DGKG: variants seen among roughly 807,000 people sequenced by gnomAD.
The protein encoded by DGKG is diacylglycerol kinase gamma.
DGKG carries 78 observed loss-of-function variants against 105.3 expected under a neutral mutation model. That is an observed-to-expected ratio of 0.74 (90% CI 0.62 to 0.89). The LOEUF (loss-of-function observed/expected upper bound fraction) is 0.89. DGKG is among the 40% of genes least tolerant of loss of function. DGKG has a pLI of 0.00. For synonymous variants in DGKG, 346 were observed against 367.1 expected (o/e 0.94, Z 0.66); for missense variants, 958 against 1,020.1 (o/e 0.94, Z 0.83).
intron 1 of DGKG, among the ~76,000 whole-genome samples, chr3:186,337,637 A>G (rs1725892760): frequency 6.6e-6 from 1 of 152,202 alleles, no homozygotes; most frequent in South Asian, 2.1e-4. Context: ...GCAATTAAAT[A>G]AGACAAAATT....
chr3:186,274,078 T>C (rs1236578185), intron 10 of DGKG, among the ~76,000 whole-genome samples: 1 of 152,220 alleles, frequency 6.6e-6, no homozygotes, highest in African/African-American at 2.4e-5. Context: ...CTACCACTTG[T>C]AGTTTTTTCC....
intron 21 of DGKG, 24 bp downstream of exon 21, chr3:186,211,771 C>G: frequency 6.3e-7 from 1 of 1,580,198 alleles, no homozygotes; most frequent in Non-Finnish European, 8.7e-7. Flanking sequence ...ATCCAGGAAG[C>G]CTTCTCCCCA....
At chr3:186,234,420 A>G (rs907290038) in intron 20 of DGKG, among the ~76,000 whole-genome samples, 3 of 152,178 alleles carry the variant, frequency 2.0e-5, no homozygotes, top group African/African-American at 7.2e-5. Flanking sequence ...TATCGTGCTA[A>G]CCTCAACTCT....
intron 21 of DGKG, among the ~76,000 whole-genome samples, chr3:186,199,438 TTGAG>T (rs142445622): frequency 0.019 from 2,882 of 152,334 alleles, 73 homozygotes; most frequent in African/African-American, 0.066. Flanking sequence ...ATATCATTTA[TTGAG>T]TAACTATTGT....
At chr3:186,269,369 C>A (rs890446654) in intron 11 of DGKG, among the ~76,000 whole-genome samples, 2 of 152,196 alleles carry the variant, frequency 1.3e-5, no homozygotes, top group African/African-American at 4.8e-5. Flanking sequence ...GTTCTTAGAC[C>A]TCTCTGAGTC....
At chr3:186,304,731 T>A (rs1303647557) in intron 3 of DGKG, among the ~76,000 whole-genome samples, 2 of 152,220 alleles carry the variant, frequency 1.3e-5, no homozygotes, top group Non-Finnish European at 2.9e-5. Context: ...AATTCACTCA[T>A]CCACAAACTT....
Position 186,314,173 on chromosome 3 carries a change from GCACACACACACACACACACA to G in DGKG, c.67+6200_67+6219del, listed in dbSNP as rs3221277. Among the ~76,000 whole-genome samples, 583 of 139,550 alleles carry G rather than the reference GCACACACACACACACACACA, an allele frequency of 4.2e-3. 3 individuals are homozygous for G. Among genetic ancestry groups the G allele is most frequent in the African/African-American group, 5.1e-3 (193 of 38,064 alleles). The allele number at this position is 139,550 out of a possible 152,430, so 91.6% of individuals were successfully genotyped here. ...TAATTTAATTGACATATACATATCT[GCACACACACACACACACACA>G]CACACACACACACACACACACACAC... On this transcript the variant is annotated intron_variant, in intron 2 of 24. Coordinates refer to ENST00000265022, the MANE Select transcript of DGKG (RefSeq NM_001346.3).
At chr3:186,259,307 C>A (rs1331200786) in intron 16 of DGKG, among the ~76,000 whole-genome samples, 1 of 152,078 alleles carries the variant, frequency 6.6e-6, no homozygotes, top group Non-Finnish European at 1.5e-5. Flanking sequence ...TGACAGTGGG[C>A]TGGTAAAGGT....
intron 3 of DGKG, among the ~76,000 whole-genome samples, chr3:186,301,023 C>T (rs1026912715): frequency 1.3e-5 from 2 of 152,248 alleles, no homozygotes; most frequent in Non-Finnish European, 2.9e-5. Flanking sequence ...CACCATTATG[C>T]TCCCAACATT....
chr3:186,274,096 C>A (rs1318805362), intron 10 of DGKG, among the ~76,000 whole-genome samples: 1 of 152,208 alleles, frequency 6.6e-6, no homozygotes, highest in Non-Finnish European at 1.5e-5. Flanking sequence ...TCCACCTTTC[C>A]ACTCTGACTT....
In DGKG at chr3:186,320,506, T is replaced by C; in HGVS notation, c.-47A>G. Reference sequence around the variant, plus strand: ...CTAAAGGGCAGTGATGGAGTTTTGTTCACTAGGCTGAAGTGGAGGCCCAGC... The same window carrying C: ...CTAAAGGGCAGTGATGGAGTTTTGTCCACTAGGCTGAAGTGGAGGCCCAGC... On this transcript the variant is annotated 5_prime_UTR_variant, in exon 2 of 25. Coordinates refer to ENST00000265022, the MANE Select transcript of DGKG (RefSeq NM_001346.3). 1 of 1,614,072 alleles carries C rather than the reference T, an allele frequency of 6.2e-7. No homozygotes were observed. Among genetic ancestry groups the C allele is most frequent in the Non-Finnish European group, 8.5e-7 (1 of 1,179,962 alleles).
chr3:186,170,304 G>C (rs1716757462), intron 22 of DGKG, among the ~76,000 whole-genome samples: 1 of 152,166 alleles, frequency 6.6e-6, no homozygotes, highest in Non-Finnish European at 1.5e-5. Context: ...TTATTGGGTG[G>C]ATCATTCCCA....
intron 21 of DGKG, among the ~76,000 whole-genome samples, chr3:186,205,584 C>T (rs1279833835): frequency 1.3e-5 from 2 of 151,976 alleles, no homozygotes; most frequent in African/African-American, 4.8e-5. Flanking sequence ...GTGGCGGGCA[C>T]CTATAATCCC....
intron 2 of DGKG, among the ~76,000 whole-genome samples, chr3:186,318,743 CAGA>C (rs1231524658): frequency 6.6e-6 from 1 of 152,174 alleles, no homozygotes; most frequent in Admixed American, 6.5e-5. Context: ...CCACAGCTCT[CAGA>C]AGGAGCCAGC....
At chr3:186,254,710 G>A (rs1345432900) in intron 17 of DGKG, among the ~76,000 whole-genome samples, 2 of 151,578 alleles carry the variant, frequency 1.3e-5, no homozygotes, top group South Asian at 4.2e-4. Context: ...CTTCCCACTG[G>A]TATCGCTGCA....
intron 17 of DGKG, among the ~76,000 whole-genome samples, chr3:186,255,601 G>A (rs776569389): frequency 6.6e-6 from 1 of 152,242 alleles, no homozygotes; most frequent in Non-Finnish European, 1.5e-5. Flanking sequence ...CGGGACCTGA[G>A]TCCAGATGGA....
chr3:186,242,668 C>G, intron 19 of DGKG, 100 bp from the exon 20 acceptor site: 1 of 979,724 alleles, frequency 1.0e-6, no homozygotes, highest in Non-Finnish European at 1.5e-6. Context: ...TCATGCCAAC[C>G]CTGGGACTCT....
At chr3:186,242,261 AC>A (rs1720723899) in intron 20 of DGKG, among the ~76,000 whole-genome samples, 1 of 150,732 alleles carries the variant, frequency 6.6e-6, no homozygotes, top group Non-Finnish European at 1.5e-5. Context: ...CTTCATACCC[AC>A]CTCCTGCCCT....
chr3:186,156,140 T>C (rs1360788000), intron 24 of DGKG, among the ~76,000 whole-genome samples: 2 of 152,210 alleles, frequency 1.3e-5, no homozygotes, highest in African/African-American at 2.4e-5. Flanking sequence ...GAAATTAAAA[T>C]TGGTTAACAG....
Sources: allele counts gnomAD v4.1 joint callset (sites outside exome capture counted in the v4.1 genomes callset), GRCh38; gene constraint gnomAD v4.1.1; transcripts MANE v1.5; gene names NCBI Gene and HGNC (gene_info 2026-07-23, HGNC 2026-07-21).